Variants in KIAA1217 observed in about 807,000 individuals in gnomAD.
KIAA1217 encodes sickle tail protein homolog.
In KIAA1217, 88 loss-of-function variants were observed where a neutral mutation model predicts 163.9. The ratio of observed to expected loss-of-function variants is 0.54; its 90% CI spans 0.45 to 0.64. KIAA1217 has a LOEUF of 0.64. Among genes scored for constraint, KIAA1217 ranks in the 30% least tolerant of loss-of-function variants. The pLI is 0.00. For missense variants in KIAA1217, 2,372 were observed against 2,475.0 expected (o/e 0.96, Z 0.88); for synonymous variants, 903 against 923.1 (o/e 0.98, Z 0.39).
chr10:23,901,681 G>A (rs1041622754), intron 1 of KIAA1217, among the ~76,000 whole-genome samples: 1 of 152,042 alleles, frequency 6.6e-6, no homozygotes, highest in African/African-American at 2.4e-5. Flanking sequence ...GACTGAGGCG[G>A]GTGGATCACT....
At chr10:23,802,953 G>A (rs1296240559) in intron 1 of KIAA1217, among the ~76,000 whole-genome samples, 1 of 152,046 alleles carries the variant, frequency 6.6e-6, no homozygotes, top group Non-Finnish European at 1.5e-5. Context: ...TCTTTGCATG[G>A]GTAATATAAT....
At chr10:24,005,454 A>G (rs1243455595) in intron 1 of KIAA1217, among the ~76,000 whole-genome samples, 1 of 152,170 alleles carries the variant, frequency 6.6e-6, no homozygotes, top group African/African-American at 2.4e-5. Context: ...TGTTTATGTC[A>G]TTGGGCAAAA....
chr10:23,763,337 G>A (rs1217330298), intron 1 of KIAA1217, among the ~76,000 whole-genome samples: 1 of 152,138 alleles, frequency 6.6e-6, no homozygotes. Context: ...AAAGCTAGAG[G>A]CATCACACTA....
At chr10:24,085,485 T>C (rs777452532) in intron 2 of KIAA1217, among the ~76,000 whole-genome samples, 2 of 152,120 alleles carry the variant, frequency 1.3e-5, no homozygotes, top group Non-Finnish European at 2.9e-5. Flanking sequence ...AAAGTCTTAT[T>C]GGAAAGGGTA....
In KIAA1217 at chr10:24,186,636, A is replaced by C. The variant is rs144048124; in HGVS notation, c.-170-32990A>C. On this transcript the variant is annotated intron_variant, in intron 2 of 18. Coordinates refer to the KIAA1217 transcript ENST00000376462. ...CCAGGCACAGTGGCTCACCCCTGTA[A>C]TCCCACCACTTTGAGAGGCTGAGGC... 6.0e-4 allele frequency among the ~76,000 whole-genome samples: 92 copies of C among 152,244 alleles called. No homozygotes were observed. In the East Asian group the frequency reaches 0.013, roughly 22 times the overall value.
At chr10:23,901,610 T>C (rs1231194097) in intron 1 of KIAA1217, among the ~76,000 whole-genome samples, 1 of 152,076 alleles carries the variant, frequency 6.6e-6, no homozygotes, top group African/African-American at 2.4e-5. Flanking sequence ...ATTAATCAGC[T>C]AAGAACTGAA....
chr10:23,824,093 GA>G (rs1837754570), intron 1 of KIAA1217, among the ~76,000 whole-genome samples: 1 of 151,914 alleles, frequency 6.6e-6, no homozygotes, highest in South Asian at 2.1e-4. Flanking sequence ...GAAATACAGT[GA>G]AACCCCATCT....
intron 1 of KIAA1217, among the ~76,000 whole-genome samples, chr10:23,696,775 C>T (rs1275434977): frequency 2.6e-5 from 4 of 152,190 alleles, no homozygotes; most frequent in African/African-American, 9.7e-5. Flanking sequence ...ATTTGCAAGA[C>T]GGTATCCTCC....
chr10:24,059,228 C>A (rs942337824), intron 2 of KIAA1217, among the ~76,000 whole-genome samples: 1 of 152,122 alleles, frequency 6.6e-6, no homozygotes, highest in Non-Finnish European at 1.5e-5. Flanking sequence ...GGATAAATTT[C>A]ACTTGGTCAT....
At chr10:24,416,228 T>C (rs1302851439) in intron 3 of KIAA1217, among the ~76,000 whole-genome samples, 1 of 152,172 alleles carries the variant, frequency 6.6e-6, no homozygotes, top group Non-Finnish European at 1.5e-5. Flanking sequence ...TTCCCCAATA[T>C]ATAAACTTTG....
chr10:24,346,939 A>G (rs576099373), intron 2 of KIAA1217, among the ~76,000 whole-genome samples: 11 of 152,334 alleles, frequency 7.2e-5, no homozygotes, highest in African/African-American at 2.4e-4. Flanking sequence ...ATGTCTCAAC[A>G]AAGCCATTTT....
At chr10:24,510,784 C>T (rs1051794586) in intron 9 of KIAA1217, among the ~76,000 whole-genome samples, 3 of 152,086 alleles carry the variant, frequency 2.0e-5, no homozygotes, top group African/African-American at 7.2e-5. Context: ...GCCACATCCC[C>T]GCAGTGAGAG....
intron 1 of KIAA1217, among the ~76,000 whole-genome samples, chr10:23,861,793 G>A (rs1254627695): frequency 6.6e-6 from 1 of 152,130 alleles, no homozygotes; most frequent in Non-Finnish European, 1.5e-5. Flanking sequence ...CAGCAGATAT[G>A]AACCTGGAAA....
At chr10:24,449,789 G>A (rs927536262) in intron 5 of KIAA1217, 1 of 959,432 alleles carries the variant, frequency 1.0e-6, no homozygotes, top group African/African-American at 1.8e-5. Context: ...TTTATGATAG[G>A]ATATTATCTT....
At chr10:24,175,678 G>T (rs375365335) in intron 2 of KIAA1217, among the ~76,000 whole-genome samples, 4 of 152,256 alleles carry the variant, frequency 2.6e-5, no homozygotes, top group African/African-American at 9.6e-5. Context: ...TCCAGAGTTT[G>T]CTCCTTCTGA....
At chr10:24,251,441 A>G (rs1240647967) in intron 2 of KIAA1217, among the ~76,000 whole-genome samples, 1 of 151,616 alleles carries the variant, frequency 6.6e-6, no homozygotes, top group Non-Finnish European at 1.5e-5. Context: ...AAAAAGAAAG[A>G]AAAAAACAGA....
intron 6 of KIAA1217, among the ~76,000 whole-genome samples, chr10:24,490,314 A>G (rs2065949629): frequency 6.6e-6 from 1 of 152,226 alleles, no homozygotes. Flanking sequence ...ATGAGCCTAA[A>G]TGTCTTTAAT....
chr10:24,115,956 C>A (rs776559515), intron 2 of KIAA1217, among the ~76,000 whole-genome samples: 16 of 152,140 alleles, frequency 1.1e-4, no homozygotes, highest in African/African-American at 1.9e-4. Context: ...TGTCATACTC[C>A]ATTTACTCAC....
chr10:23,772,662 A>G (rs1834847928), intron 1 of KIAA1217, among the ~76,000 whole-genome samples: 1 of 152,170 alleles, frequency 6.6e-6, no homozygotes, highest in Non-Finnish European at 1.5e-5. Context: ...TCATTTAGGA[A>G]TGAACACTCC....
Sources: gnomAD v4.1 joint callset for allele counts (sites outside exome capture counted in the v4.1 genomes callset) on GRCh38, gnomAD v4.1.1 for gene constraint, MANE v1.5 for transcripts, NCBI Gene and HGNC (gene_info 2026-07-23, HGNC 2026-07-21) for gene names.